The following MUC7 variants were observed in gnomAD, a reference collection of about 807,000 sequenced individuals.
The protein encoded by MUC7 is mucin-7.
Under a neutral mutation model 2.5 loss-of-function variants are expected in MUC7, and 2 were observed. The observed-to-expected ratio is 0.81, with a 90% CI of 0.33 to 2.55. The LOEUF is 2.55. Ranked by LOEUF, MUC7 falls within the 30% of genes most tolerant of loss-of-function variation. MUC7 has a pLI of 0.11. For missense variants in MUC7, 408 were observed against 455.6 expected (o/e 0.90, Z 0.95); for synonymous variants, 133 against 173.4 (o/e 0.77, Z 1.83).
chr4:70,433,282 T>G (rs1733730295), intron 1 of MUC7, among the ~76,000 whole-genome samples: 1 of 152,210 alleles, frequency 6.6e-6, no homozygotes, highest in African/African-American at 2.4e-5. Flanking sequence ...CAGTGGTAGC[T>G]TGATGGAGAT....
rs1577918220 is a variant in MUC7, at chr4:70,480,953, G to A, written c.209G>A (p.Cys70Tyr). 6.2e-7 allele frequency: 1 copy of A among 1,614,070 alleles called. No homozygotes were observed. The highest frequency in any genetic ancestry group is 8.5e-7 in the Non-Finnish European group (1 of 1,180,016). Residue 70 changes from cysteine (C) to tyrosine (Y), a missense_variant, in exon 3 of 3, where the codon TGT (cysteine) becomes TAT (tyrosine). Transcript: ENST00000304887. ...TCCTATAAATGTCTGCACAAACGCT[G>A]TAGGCCTAAGCTTCCACCTTCACCT... ...RKSYKCLHKR[C>Y]RPKLPPSPNN...
intron 2 of MUC7, among the ~76,000 whole-genome samples, chr4:70,478,899 T>C (rs1735087281): frequency 1.3e-5 from 2 of 152,330 alleles, no homozygotes; most frequent in South Asian, 4.1e-4. Flanking sequence ...TAAGAGAGAT[T>C]TATGGAAAAA....
At chr4:70,447,516 C>A (rs1346685274) in intron 1 of MUC7, among the ~76,000 whole-genome samples, 1 of 152,114 alleles carries the variant, frequency 6.6e-6, no homozygotes, top group Non-Finnish European at 1.5e-5. Flanking sequence ...AGAGGAAAAT[C>A]TTTTAATTAC....
chr4:70,454,117 G>C (rs927944034), intron 1 of MUC7, among the ~76,000 whole-genome samples: 7 of 152,068 alleles, frequency 4.6e-5, no homozygotes, highest in Admixed American at 3.9e-4. Context: ...GCTAGGGGAA[G>C]GGTGGCACAG....
chr4:70,438,234 A>T (rs956796154), intron 1 of MUC7, among the ~76,000 whole-genome samples: 1 of 152,202 alleles, frequency 6.6e-6, no homozygotes, highest in African/African-American at 2.4e-5. Flanking sequence ...GGTACTGATC[A>T]ACATCATCCC....
At chr4:70,480,355 T>C (rs758898677) in intron 2 of MUC7, among the ~76,000 whole-genome samples, 5 of 152,208 alleles carry the variant, frequency 3.3e-5, no homozygotes, top group Non-Finnish European at 7.3e-5. Flanking sequence ...ATTTTGATGA[T>C]GGTAGATATG....
intron 1 of MUC7, among the ~76,000 whole-genome samples, chr4:70,438,331 T>G (rs1733913972): frequency 6.6e-6 from 1 of 152,184 alleles, no homozygotes; most frequent in Admixed American, 6.5e-5. Flanking sequence ...ATAACTATCA[T>G]AAAGAAAGCT....
At chr4:70,476,017 A>G (rs1448313752) in intron 2 of MUC7, among the ~76,000 whole-genome samples, 1 of 152,212 alleles carries the variant, frequency 6.6e-6, no homozygotes, top group Non-Finnish European at 1.5e-5. Flanking sequence ...TCTAATGTTT[A>G]CCATCCAGAT....
At chr4:70,461,281 C>T (rs879055367) in intron 1 of MUC7, among the ~76,000 whole-genome samples, 4 of 152,176 alleles carry the variant, frequency 2.6e-5, no homozygotes, top group South Asian at 4.1e-4. Context: ...CTTGAACCTG[C>T]GTCAGATCAC....
chr4:70,464,037 C>T (rs1299425572), intron 1 of MUC7, among the ~76,000 whole-genome samples: 3 of 152,160 alleles, frequency 2.0e-5, no homozygotes, highest in East Asian at 1.9e-4. Flanking sequence ...TCTGCATTTC[C>T]AACTGAGATA....
At chr4:70,474,136 T>C in intron 2 of MUC7, 61 bp downstream of exon 2, 9 of 1,389,500 alleles carry the variant, frequency 6.5e-6, no homozygotes, top group Non-Finnish European at 9.1e-6. Flanking sequence ...TTAGTGTACC[T>C]ACCTGAGACT....
chr4:70,459,489 G>C (rs1734499081), intron 1 of MUC7, among the ~76,000 whole-genome samples: 1 of 152,110 alleles, frequency 6.6e-6, no homozygotes, highest in Admixed American at 6.5e-5. Context: ...TAAATGACTA[G>C]TTAATGGGTG....
chr4:70,435,041 T>A (rs1280556978), intron 1 of MUC7, among the ~76,000 whole-genome samples: 1 of 152,218 alleles, frequency 6.6e-6, no homozygotes, highest in African/African-American at 2.4e-5. Flanking sequence ...TAATCCTGAG[T>A]TCTAGTTTGA....
intron 1 of MUC7, among the ~76,000 whole-genome samples, chr4:70,460,934 C>T (rs1734541177): frequency 6.6e-6 from 1 of 152,174 alleles, no homozygotes; most frequent in African/African-American, 2.4e-5. Context: ...GCAATGCCCT[C>T]ATGGAGTCTC....
chr4:70,474,000 T>C lies in MUC7; in HGVS notation c.-15-7T>C, dbSNP rs779919418. ...CTAATAGTACGCCACATTTCTGCTTTTCCCAGGAGACATCAGAAAGAATGA... is the reference window on the plus strand; with the variant it reads ...CTAATAGTACGCCACATTTCTGCTTCTCCCAGGAGACATCAGAAAGAATGA... On this transcript the variant is annotated splice_polypyrimidine_tract_variant and splice_region_variant and intron_variant, in intron 1 of 2. Transcript: ENST00000304887. 6.2e-7 allele frequency: 1 copy of C among 1,604,626 alleles called. No individual in the cohort carries two copies. Among genetic ancestry groups the C allele is most frequent in the Non-Finnish European group, 8.5e-7 (1 of 1,173,166 alleles).
chr4:70,431,933 T>C (rs568455229), intron 1 of MUC7, among the ~76,000 whole-genome samples: 2 of 152,102 alleles, frequency 1.3e-5, no homozygotes, highest in Non-Finnish European at 2.9e-5. Flanking sequence ...GTGTGTGATA[T>C]TCCCCTTCCT....
intron 1 of MUC7, among the ~76,000 whole-genome samples, chr4:70,442,632 C>G (rs1734037758): frequency 6.6e-6 from 1 of 152,160 alleles, no homozygotes; most frequent in Admixed American, 6.6e-5. Context: ...AAGAAAATCT[C>G]CTGGTGATTA....
chr4:70,475,047 G>A (rs544235600), intron 2 of MUC7, among the ~76,000 whole-genome samples: 171 of 152,306 alleles, frequency 1.1e-3, no homozygotes, highest in African/African-American at 4.1e-3. Flanking sequence ...CGGAGGCCAA[G>A]GCAGGTGGAT....
intron 1 of MUC7, among the ~76,000 whole-genome samples, chr4:70,433,210 G>T (rs1282108047): frequency 6.6e-6 from 1 of 151,928 alleles, no homozygotes; most frequent in Non-Finnish European, 1.5e-5. Flanking sequence ...CTGGCTATGG[G>T]GTCTCTTTTT....
Sources: gnomAD v4.1 joint callset for allele counts (sites outside exome capture counted in the v4.1 genomes callset) on GRCh38, gnomAD v4.1.1 for gene constraint, MANE v1.5 for transcripts, NCBI Gene and HGNC (gene_info 2026-07-23, HGNC 2026-07-21) for gene names.